PLD5: variants seen among roughly 807,000 people sequenced by gnomAD.
PLD5 encodes inactive phospholipase D5.
PLD5 carries 36 observed loss-of-function variants against 61.1 expected under a neutral mutation model. That is an observed-to-expected ratio of 0.59 (90% CI 0.45 to 0.78). The LOEUF (loss-of-function observed/expected upper bound fraction) is 0.78, where lower values mean the gene tolerates loss of function less well. Among genes scored for constraint, PLD5 ranks in the 30% least tolerant of loss-of-function variants. The pLI is 0.00. For synonymous variants in PLD5, 243 were observed against 242.8 expected, an observed-to-expected ratio of 1.00 and a Z score of -0.01; for missense variants, 515 against 644.4, an observed-to-expected ratio of 0.80 and a Z score of 2.17.
At chr1:242,456,724 A>C (rs1255546364) in intron 1 of PLD5, among the ~76,000 whole-genome samples, 1 of 152,140 alleles carries the variant, frequency 6.6e-6, no homozygotes, top group Non-Finnish European at 1.5e-5. Context: ...GACTTCATTA[A>C]AATCTAGTTT....
In PLD5 at chr1:242,266,070, C is replaced by T. The variant is rs551077828; in HGVS notation, c.496-622G>A. 6.6e-5 allele frequency among the ~76,000 whole-genome samples: 10 copies of T among 152,242 alleles called. No individual in the cohort carries two copies. The South Asian group carries it at 1.9e-3, about 28-fold the overall frequency. On this transcript the variant is annotated intron_variant, in intron 3 of 9. Coordinates refer to ENST00000536534, the MANE Select transcript of PLD5 (RefSeq NM_001372062.1). ...GCCTAAAAATAAGTGAAATAAAAAA[C>T]AAAATCAAAAATAAAAGTTTTTCAG...
intron 1 of PLD5, among the ~76,000 whole-genome samples, chr1:242,455,689 T>A (rs888621006): frequency 3.3e-5 from 5 of 152,240 alleles, no homozygotes; most frequent in African/African-American, 4.8e-5. Flanking sequence ...ATAGCACTTG[T>A]CCCAGAAGGG....
chr1:242,462,950 A>G (rs1667164190), intron 1 of PLD5, among the ~76,000 whole-genome samples: 1 of 152,194 alleles, frequency 6.6e-6, no homozygotes, highest in African/African-American at 2.4e-5. Context: ...ATATATGTAG[A>G]TGATCTTTCC....
intron 1 of PLD5, among the ~76,000 whole-genome samples, chr1:242,424,657 G>C (rs979089773): frequency 6.6e-6 from 1 of 151,976 alleles, no homozygotes; most frequent in African/African-American, 2.4e-5. Flanking sequence ...TTTCCTCTCT[G>C]GGGTCCACTG....
At chr1:242,443,423 C>T (rs1036633919) in intron 1 of PLD5, among the ~76,000 whole-genome samples, 1 of 152,042 alleles carries the variant, frequency 6.6e-6, no homozygotes, top group Non-Finnish European at 1.5e-5. Flanking sequence ...GGAAGGTGAA[C>T]TGGTTGGTGG....
chr1:242,125,477 C>T (rs1662711059), intron 5 of PLD5, among the ~76,000 whole-genome samples: 1 of 152,148 alleles, frequency 6.6e-6, no homozygotes, highest in South Asian at 2.1e-4. Flanking sequence ...GGTTTTCTGA[C>T]CCCTAATCAA....
intron 1 of PLD5, among the ~76,000 whole-genome samples, chr1:242,485,840 C>T (rs1667940686): frequency 1.3e-5 from 2 of 152,198 alleles, no homozygotes; most frequent in African/African-American, 2.4e-5. Flanking sequence ...GTAAGCAAAA[C>T]AGCATGGTCC....
intron 1 of PLD5, chr1:242,376,978 G>A (rs550906038): frequency 2.5e-5 from 41 of 1,611,602 alleles, no homozygotes; most frequent in South Asian, 1.5e-4. Flanking sequence ...CCGTGTATCC[G>A]CATGTGAGTA....
chr1:242,464,078 G>A (rs1008729153), intron 1 of PLD5, among the ~76,000 whole-genome samples: 6 of 152,078 alleles, frequency 3.9e-5, no homozygotes, highest in Non-Finnish European at 7.4e-5. Context: ...TTAATCTTTC[G>A]GAGCACTTCA....
At chr1:242,139,193 C>T (rs1663974555) in intron 5 of PLD5, among the ~76,000 whole-genome samples, 1 of 152,046 alleles carries the variant, frequency 6.6e-6, no homozygotes, top group South Asian at 2.1e-4. Context: ...TGTTATTTCA[C>T]AAAGCAGATT....
In PLD5 at chr1:242,393,616, GTA is replaced by G. The variant is rs1304272127; in HGVS notation, c.190-45376_190-45375del. Among the ~76,000 whole-genome samples, 5 of 93,638 alleles carry G rather than the reference GTA, an allele frequency of 5.3e-5. 1 individual carries two copies. The highest frequency in any genetic ancestry group is 9.0e-5 in the African/African-American group (2 of 22,248). The allele number at this position is 93,638 out of a possible 152,430, so 61.4% of individuals were successfully genotyped here. A position where few individuals can be genotyped will look rare whatever the true frequency, so the allele number is the denominator to read the frequency against. ...TGTGTATATATATGAGCATATATGT[GTA>G]TATATATGAGTATATATATGTGTAT... On this transcript the variant is annotated intron_variant, in intron 1 of 9. Coordinates refer to ENST00000536534, the MANE Select transcript of PLD5 (RefSeq NM_001372062.1).
At chr1:242,174,914 G>A (rs1449175219) in intron 5 of PLD5, among the ~76,000 whole-genome samples, 2 of 152,114 alleles carry the variant, frequency 1.3e-5, no homozygotes, top group African/African-American at 4.8e-5. Context: ...TGGGGGGAGG[G>A]ATAGCATTAG....
chr1:242,440,944 G>C (rs78128599), intron 1 of PLD5, among the ~76,000 whole-genome samples: 1 of 152,176 alleles, frequency 6.6e-6, no homozygotes, highest in South Asian at 2.1e-4. Context: ...AAATTTGCAT[G>C]TACAAAGATG....
chr1:242,230,054 G>A (rs544828188), intron 4 of PLD5, among the ~76,000 whole-genome samples: 2 of 152,150 alleles, frequency 1.3e-5, no homozygotes, highest in East Asian at 3.9e-4. Flanking sequence ...GTATTTAGTC[G>A]GTAGAGGCCA....
rs1673054484 is a variant in PLD5 at position 242,256,784 on chromosome 1, ATCTATC to A, written c.607+8547_607+8552del. On this transcript the variant is annotated intron_variant, in intron 4 of 9. Coordinates refer to ENST00000536534, the MANE Select transcript of PLD5 (RefSeq NM_001372062.1). The surrounding 1 kb of genome is among the most constrained non-coding windows in gnomAD (Gnocchi z 5.7). The stretch of plus-strand genomic sequence containing the variant: ...TATCTATCTATCTATCTATCTATCT[ATCTATC>A]TATCTATTAATATCTATCTTTCTAT... 6.6e-6 allele frequency among the ~76,000 whole-genome samples: 1 copy of A among 151,678 alleles called. No individual in the cohort carries two copies. Among genetic ancestry groups the A allele is most frequent in the South Asian group, 2.1e-4 (1 of 4,804 alleles).
chr1:242,252,903 G>A lies in PLD5; in HGVS notation c.607+12434C>T, dbSNP rs1672786736. ...GTGATCTCAGCTCACTGCAACTTCC[G>A]CCTCCTGAGTTCAAACAGTTCTCCT... On this transcript the variant is annotated intron_variant, in intron 4 of 9. Transcript: ENST00000536534. Among the ~76,000 whole-genome samples the A allele has an allele frequency of 2.2e-5, 3 of 138,228 alleles. No individual in the cohort carries two copies. The South Asian group carries it at 7.5e-4, about 35-fold the overall frequency. The allele number at this position is 138,228 out of a possible 152,430, so 90.7% of individuals were successfully genotyped here. A position where few individuals can be genotyped will look rare whatever the true frequency, so the allele number is the denominator to read the frequency against.
intron 1 of PLD5, among the ~76,000 whole-genome samples, chr1:242,475,378 G>A (rs1476317464): frequency 7.2e-5 from 10 of 139,554 alleles, no homozygotes; most frequent in South Asian, 2.2e-4. Context: ...AGCCGAGATT[G>A]CGCCACTGCA....
intron 6 of PLD5, among the ~76,000 whole-genome samples, chr1:242,120,621 A>G (rs999575056): frequency 1.1e-4 from 16 of 152,374 alleles, no homozygotes; most frequent in Admixed American, 1.0e-3. Context: ...CTCACTAAAT[A>G]CATCTCCATA....
intron 6 of PLD5, among the ~76,000 whole-genome samples, chr1:242,120,209 T>C (rs1662256823): frequency 6.6e-6 from 1 of 152,166 alleles, no homozygotes; most frequent in Admixed American, 6.5e-5. Flanking sequence ...TGGGGTTTTT[T>C]CTTTGTGGTG....
Sources: gnomAD v4.1 joint callset for allele counts (sites outside exome capture counted in the v4.1 genomes callset) on GRCh38, gnomAD v4.1.1 for gene constraint, Gnocchi (gnomAD v3.1) non-coding constraint, MANE v1.5 for transcripts, NCBI Gene and HGNC (gene_info 2026-07-23, HGNC 2026-07-21) for gene names.